The following SYT3 variants were observed in gnomAD, a reference collection of about 807,000 sequenced individuals.
SYT3 encodes synaptotagmin-3.
SYT3 carries 25 observed loss-of-function variants against 50.6 expected under a neutral mutation model. The ratio of observed to expected loss-of-function variants is 0.49; its 90% confidence interval spans 0.36 to 0.69. The LOEUF is 0.69. Ranked by LOEUF, SYT3 falls within the 30% of genes least tolerant of loss-of-function variation. The pLI, the probability that SYT3 is intolerant of heterozygous loss-of-function variation, is 0.00. For synonymous variants in SYT3, 323 were observed against 353.9 expected (o/e 0.91, Z 0.98); for missense variants, 589 against 793.6 (o/e 0.74, Z 3.10).
chr19:50,650,659 A>G, the SYT3 span, among the ~76,000 whole-genome samples: 1 of 152,324 alleles, frequency 6.6e-6, no homozygotes, highest in East Asian at 1.9e-4. Context: ...TGATGGAGGG[A>G]GACTCTGTCT....
At chr19:50,657,931 C>A in the SYT3 span, 8 of 1,478,304 alleles carry the variant, frequency 5.4e-6, no homozygotes, top group Non-Finnish European at 6.3e-6. Flanking sequence ...GTGGTGACTT[C>A]TGAACCCAAA....
the SYT3 span, chr19:50,657,954 G>A: frequency 6.7e-7 from 1 of 1,497,792 alleles, no homozygotes; most frequent in Non-Finnish European, 8.9e-7. Flanking sequence ...GAACCAGGAG[G>A]CCACGGGCTG....
At chr19:50,647,926 G>A in the SYT3 span, among the ~76,000 whole-genome samples, 2 of 152,176 alleles carry the variant, frequency 1.3e-5, no homozygotes, top group African/African-American at 2.4e-5. Flanking sequence ...GATGCCAGGA[G>A]GGGGTCAGGG....
chr19:50,655,515 A>G, the SYT3 span, among the ~76,000 whole-genome samples: 87 of 152,074 alleles, frequency 5.7e-4, no homozygotes, highest in East Asian at 9.9e-3. Context: ...TGGGCGTGGT[A>G]GCGGGTGCCT....
chr19:50,658,090 C>T, the SYT3 span: 68 of 1,535,746 alleles, frequency 4.4e-5, no homozygotes, highest in Admixed American at 6.9e-4. Context: ...GCTTTGAGAA[C>T]ATGAACGTCA....
Position 50,622,733 on chromosome 19 carries a change from G to A in SYT3, c.1730C>T (p.Thr577Ile). 1 of 1,086,234 alleles carries A rather than the reference G, an allele frequency of 9.2e-7. No individual in the cohort carries two copies. Among genetic ancestry groups the A allele is most frequent in the Non-Finnish European group, 1.4e-6 (1 of 703,164 alleles). The allele number at this position is 1,086,234 out of a possible 1,614,324, so 67.3% of individuals were successfully genotyped here. Residue 577 changes from threonine to isoleucine, a missense_variant, in exon 10 of 11, where the codon ACA becomes ATA. Physicochemically the swap from Thr to Ile is moderately conservative, Grantham distance 89. This residue lies in a region of SYT3 where 273 missense variants were observed against 439.3 expected (regional missense o/e 0.62). Coordinates refer to ENST00000600079, the MANE Select transcript of SYT3 (RefSeq NM_001160329.2). Reference protein sequence around the residue: ...LVEEKTVTSFTKGSKGLSEKE... With the variant: ...LVEEKTVTSFIKGSKGLSEKE... ...CTCTGATAGTCCTTTGCTGCCTTTT[G>A]TGAAGCTGGTCACAGTCTTTTCCTA...
chr19:50,647,056 TC>T, the SYT3 span, among the ~76,000 whole-genome samples: 1 of 152,080 alleles, frequency 6.6e-6, no homozygotes, highest in Non-Finnish European at 1.5e-5. Flanking sequence ...GGTCTTGATC[TC>T]CTGACCTCGT....
chr19:50,650,766 C>A, the SYT3 span, among the ~76,000 whole-genome samples: 3,702 of 152,356 alleles, frequency 0.024, 93 homozygotes, highest in East Asian at 0.088. Flanking sequence ...CCCACCTCAG[C>A]CTTCGAGGCC....
At chr19:50,641,272 C>T (rs1346540451), upstream of SYT3, among the ~76,000 whole-genome samples, 3 of 144,046 alleles carry the variant, frequency 2.1e-5, no homozygotes, top group Non-Finnish European at 3.0e-5. Context: ...CTCCGCCTCC[C>T]GGGTTCACTC....
rs1289535350 is a variant in SYT3 at position 50,625,795 on chromosome 19, T to A, written c.1402+102A>T. 2 of 210,832 alleles carry A rather than the reference T, an allele frequency of 9.5e-6. No homozygotes were observed. Among genetic ancestry groups the A allele is most frequent in the East Asian group, 7.7e-5 (2 of 26,112 alleles). 13.1% of individuals were successfully genotyped at this position (210,832 alleles called of 1,614,324 possible). On this transcript the variant is annotated intron_variant, in intron 7 of 10. Coordinates refer to ENST00000600079, the MANE Select transcript of SYT3 (RefSeq NM_001160329.2). This position sits in a 1 kb window ranked among gnomAD's most constrained non-coding sequence, Gnocchi z 7.5. ...AGACCCAGGAGTCCAGATCCCCAGC[T>A]CCTCCTCCCTCAGACCCAGGAGTCC...
At chr19:50,642,359 C>T (rs573629220), upstream of SYT3, among the ~76,000 whole-genome samples, 32 of 152,228 alleles carry the variant, frequency 2.1e-4, no homozygotes, top group African/African-American at 5.3e-4. Flanking sequence ...GCTCGGATTC[C>T]GAGGCTGCCC....
chr19:50,629,312 G>A lies in SYT3; in HGVS notation c.1263C>T (p.Asp421=). 3 of 1,607,148 alleles carry A rather than the reference G, an allele frequency of 1.9e-6. No individual in the cohort carries two copies. The highest frequency in any genetic ancestry group is 2.6e-6 in the Non-Finnish European group (3 of 1,175,304). The change falls in exon 6 of 11, where the codon GAC becomes GAT. Residue 421 remains aspartate, a synonymous_variant. Coordinates refer to ENST00000600079, the MANE Select transcript of SYT3 (RefSeq NM_001160329.2). The part of the protein sequence containing the change: ...EQPPDRPLWR[D]IVEGGSEKAD... Reference sequence around the variant, plus strand: ...CACTGACCGAGCCGCCCTCCACGATGTCCCTCCAGAGCGGGCGGTCAGGGG... The same window carrying A: ...CACTGACCGAGCCGCCCTCCACGATATCCCTCCAGAGCGGGCGGTCAGGGG...
intron 6 of SYT3, among the ~76,000 whole-genome samples, chr19:50,626,903 G>A (rs1293708435): frequency 6.6e-6 from 1 of 152,050 alleles, no homozygotes; most frequent in African/African-American, 2.4e-5. Context: ...AGACCAGAGA[G>A]CGAGAGAGAA....
At chr19:50,649,635 C>A in the SYT3 span, 1 of 1,089,022 alleles carries the variant, frequency 9.2e-7, no homozygotes, top group Non-Finnish European at 1.3e-6. Flanking sequence ...CCATCCCTAG[C>A]ATTCCTGGAT....
chr19:50,627,753 G>A (rs1984129124), intron 6 of SYT3, among the ~76,000 whole-genome samples: 1 of 151,018 alleles, frequency 6.6e-6, no homozygotes, highest in Non-Finnish European at 1.5e-5. Flanking sequence ...AAATGAGAGA[G>A]AGAGAATGTA....
intron 4 of SYT3, among the ~76,000 whole-genome samples, chr19:50,630,952 C>T (rs1047150627): frequency 6.6e-5 from 10 of 152,096 alleles, no homozygotes; most frequent in Non-Finnish European, 1.2e-4. Context: ...GACTCTCAGC[C>T]TCCAGTGTCT....
At chr19:50,644,802 G>A (rs1215978758), upstream of SYT3, among the ~76,000 whole-genome samples, 3 of 151,894 alleles carry the variant, frequency 2.0e-5, no homozygotes, top group Non-Finnish European at 4.4e-5. Flanking sequence ...ATTAGATAAA[G>A]GATGGATGGA....
chr19:50,625,542 C>G lies in SYT3; in HGVS notation c.1425G>C (p.Leu475=). 6.3e-7 allele frequency: 1 copy of G among 1,599,424 alleles called. No individual in the cohort carries two copies. Among genetic ancestry groups the G allele is most frequent in the Non-Finnish European group, 8.5e-7 (1 of 1,173,398 alleles). ...TCTTCAGACGCCGCCCCTCGCTGAT[C>G]AGGGAGGCCTTCACGTAGGGGTCTG... is the stretch of plus-strand genomic sequence containing the variant. ...GFSDPYVKAS[L]ISEGRRLKKR... Residue 475 remains leucine (L), a synonymous_variant, in exon 8 of 11, where the codon CTG becomes CTC. Transcript: ENST00000600079. This position sits in a 1 kb window ranked among gnomAD's most constrained non-coding sequence, Gnocchi z 7.5.
chr19:50,656,165 C>G, the SYT3 span: 2 of 1,536,132 alleles, frequency 1.3e-6, no homozygotes. Flanking sequence ...TTCCGCCTCC[C>G]CAAATGTGAT....
Sources: allele counts gnomAD v4.1 joint callset (sites outside exome capture counted in the v4.1 genomes callset), GRCh38; gene constraint gnomAD v4.1.1; regional missense constraint gnomAD v4.1.1; non-coding constraint Gnocchi (gnomAD v3.1); transcripts MANE v1.5; gene names NCBI Gene and HGNC (gene_info 2026-07-23, HGNC 2026-07-21).